The following ZNF723 variants were observed in gnomAD, a reference collection of about 807,000 sequenced individuals.
ZNF723 encodes the protein zinc finger protein 723.
Under a neutral mutation model 9.4 loss-of-function variants are expected in ZNF723, and 5 were observed. The observed-to-expected ratio is 0.53, with a 90% CI of 0.28 to 1.12. ZNF723 has a LOEUF of 1.12. ZNF723 is among the 50% of genes most tolerant of loss of function. The pLI is 0.10. For missense variants in ZNF723, 450 were observed against 501.5 expected, an observed-to-expected ratio of 0.90 and a Z score of 0.98; for synonymous variants, 158 against 168.8, an observed-to-expected ratio of 0.94 and a Z score of 0.49.
chr19:22,813,758 CA>C, the ZNF723 span, among the ~76,000 whole-genome samples: 6 of 151,080 alleles, frequency 4.0e-5, no homozygotes, highest in African/African-American at 1.5e-4. Context: ...AACAAACAAA[CA>C]AAAAAACTGA....
intron 1 of ZNF723, among the ~76,000 whole-genome samples, chr19:22,833,818 C>G (rs1967128764): frequency 6.6e-6 from 1 of 150,544 alleles, no homozygotes; most frequent in Admixed American, 6.6e-5. Context: ...GTTGGGCAGG[C>G]TGGTCTTGAA....
chr19:22,814,175 T>G, the ZNF723 span, among the ~76,000 whole-genome samples: 1 of 152,180 alleles, frequency 6.6e-6, no homozygotes, highest in African/African-American at 2.4e-5. Context: ...ATTCAGAAAA[T>G]TGAAAAGATG....
chr19:22,857,448 C>A lies in ZNF723; in HGVS notation c.557C>A (p.Ser186Ter). The A allele has an allele frequency of 1.0e-6, 1 of 991,792 alleles. No homozygotes were observed. The allele number at this position is 991,792 out of a possible 1,614,324, so 61.4% of individuals were successfully genotyped here. A position where few individuals can be genotyped will look rare whatever the true frequency, so the allele number is the denominator to read the frequency against. ...KECGKSFCML[S>*]HLTKHERNHT... ...TGTGGCAAATCATTTTGCATGCTTT[C>A]ACACCTAACTAAACATGAAAGAAAT... is the stretch of plus-strand genomic sequence containing the variant. Residue 186 changes from serine (S) to a stop codon, truncating the protein, a stop_gained, in exon 4 of 4, where the codon TCA (serine) becomes TAA (stop). Coordinates refer to ENST00000600766, the MANE Select transcript of ZNF723 (RefSeq NM_001349726.2). LOFTEE classifies it low-confidence loss of function (END_TRUNC).
At chr19:22,825,309 T>A in the ZNF723 span, among the ~76,000 whole-genome samples, 1 of 152,180 alleles carries the variant, frequency 6.6e-6, no homozygotes, top group Non-Finnish European at 1.5e-5. Context: ...ATTGAAATGG[T>A]GAGTCCTGTA....
chr19:22,847,059 T>G (rs944279128), intron 1 of ZNF723, among the ~76,000 whole-genome samples: 3 of 151,298 alleles, frequency 2.0e-5, no homozygotes, highest in African/African-American at 7.3e-5. Flanking sequence ...TTACTATAAT[T>G]TTTTTCTTTG....
chr19:22,833,448 G>T (rs555027464), intron 1 of ZNF723, among the ~76,000 whole-genome samples: 99 of 151,966 alleles, frequency 6.5e-4, no homozygotes, highest in African/African-American at 2.1e-3. Context: ...ACCGCTTCTG[G>T]CTATGCCCTG....
At chr19:22,832,498 A>G in intron 1 of ZNF723, 116 bp downstream of exon 1, 1 of 1,138,690 alleles carries the variant, frequency 8.8e-7, no homozygotes, top group Non-Finnish European at 1.3e-6. Context: ...CTGCGCTCGG[A>G]GTTCTAGCCT....
chr19:22,818,891 A>G, the ZNF723 span, among the ~76,000 whole-genome samples: 2 of 152,118 alleles, frequency 1.3e-5, no homozygotes, highest in Non-Finnish European at 2.9e-5. Context: ...GCTGCATCCA[A>G]CACTATGGTC....
At chr19:22,833,208 C>T (rs2569725) in intron 1 of ZNF723, among the ~76,000 whole-genome samples, 2,145 of 151,874 alleles carry the variant, frequency 0.014, 38 homozygotes, top group African/African-American at 0.049. Flanking sequence ...ACTGGAGTAC[C>T]GTGGCGCAAT....
At chr19:22,854,233 A>G (rs1001810445) in intron 3 of ZNF723, among the ~76,000 whole-genome samples, 1 of 152,080 alleles carries the variant, frequency 6.6e-6, no homozygotes, top group Non-Finnish European at 1.5e-5. Context: ...TTGTCTCCAT[A>G]TAGTTTTGAC....
the ZNF723 span, among the ~76,000 whole-genome samples, chr19:22,823,589 T>C: frequency 6.6e-6 from 1 of 152,172 alleles, no homozygotes; most frequent in African/African-American, 2.4e-5. Flanking sequence ...GTGTTTGGGA[T>C]TGTTTATCTC....
At chr19:22,846,589 C>T (rs1235809567) in intron 1 of ZNF723, among the ~76,000 whole-genome samples, 1 of 152,096 alleles carries the variant, frequency 6.6e-6, no homozygotes, top group African/African-American at 2.4e-5. Flanking sequence ...CGCCACTGCC[C>T]TCCAGCCTGG....
upstream of ZNF723, among the ~76,000 whole-genome samples, chr19:22,827,506 G>A (rs967718270): frequency 2.6e-5 from 4 of 151,866 alleles, no homozygotes; most frequent in Non-Finnish European, 4.4e-5. Context: ...GGAGAGCAGT[G>A]GCATGATCTT....
upstream of ZNF723, among the ~76,000 whole-genome samples, chr19:22,827,424 T>A (rs1967046399): frequency 8.0e-6 from 1 of 124,698 alleles, no homozygotes; most frequent in African/African-American, 4.0e-5. Flanking sequence ...TGGTTTCAAC[T>A]ATTTTTTTTT....
Position 22,858,052 on chromosome 19 carries a change from T to C in ZNF723, c.1161T>C (p.His387=). 1.3e-6 allele frequency: 2 copies of C among 1,523,000 alleles called. No homozygotes were observed. The highest frequency in any genetic ancestry group is 2.2e-5 in the South Asian group (2 of 89,200). The allele number at this position is 1,523,000 out of a possible 1,614,324, so 94.3% of individuals were successfully genotyped here. A position where few individuals can be genotyped will look rare whatever the true frequency, so the allele number is the denominator to read the frequency against. The part of the protein sequence containing the change: ...AFKVSVHLTT[H]KRIHTGEKPY... ...AAGTATCTGTACACCTTACTACACA[T>C]AAGAGAATTCATACTGGAGAGAAAC... The change falls in exon 4 of 4, where the codon CAT becomes CAC. Residue 387 remains histidine, a synonymous_variant. Transcript: ENST00000600766.
rs200538847 is a variant in ZNF723 at position 22,835,077 on chromosome 19, T to G, written c.3+2695T>G. On this transcript the variant is annotated intron_variant, in intron 1 of 3. Transcript: ENST00000600766. ...TTTTTTGTTTGTTGGTTGTTTTTTT[T>G]TTTTTGAGATGGAGTTTCTCTCTTG... Among the ~76,000 whole-genome samples the G allele has an allele frequency of 7.3e-5, 11 of 151,444 alleles. No individual in the cohort carries two copies. In the East Asian group the frequency reaches 2.1e-3, roughly 29 times the overall value.
intron 3 of ZNF723, among the ~76,000 whole-genome samples, chr19:22,855,257 C>A (rs1967460820): frequency 7.4e-6 from 1 of 134,296 alleles, no homozygotes; most frequent in Non-Finnish European, 1.5e-5. Flanking sequence ...GAGATGGAGT[C>A]TCTCTCTGTC....
chr19:22,824,572 G>T, the ZNF723 span, among the ~76,000 whole-genome samples: 1,338 of 152,226 alleles, frequency 8.8e-3, 65 homozygotes, highest in Admixed American at 0.08. Flanking sequence ...TTGCATGAAA[G>T]GTCAGAGAAA....
chr19:22,846,298 A>G (rs1007262218), intron 1 of ZNF723, among the ~76,000 whole-genome samples: 1 of 152,178 alleles, frequency 6.6e-6, no homozygotes, highest in African/African-American at 2.4e-5. Context: ...CATTAGCACT[A>G]TGCAGAACGG....
Sources: allele counts gnomAD v4.1 joint callset (sites outside exome capture counted in the v4.1 genomes callset), GRCh38; gene constraint gnomAD v4.1.1; transcripts MANE v1.5; gene names NCBI Gene and HGNC (gene_info 2026-07-23, HGNC 2026-07-21).